PPP2R2B: variants seen among roughly 807,000 people sequenced by gnomAD.
PPP2R2B encodes the protein serine/threonine-protein phosphatase 2A 55 kDa regulatory subunit B beta isoform.
PPP2R2B carries 5 observed loss-of-function variants against 46.0 expected under a neutral mutation model. The ratio of observed to expected loss-of-function variants is 0.11; its 90% CI spans 0.06 to 0.23. PPP2R2B has a LOEUF of 0.23. Ranked by LOEUF, PPP2R2B falls within the 10% of genes least tolerant of loss-of-function variation. The pLI, the probability that PPP2R2B is intolerant of heterozygous loss-of-function variation, is 1.00. For missense variants in PPP2R2B, 367 were observed against 575.0 expected (o/e 0.64, Z 3.70); for synonymous variants, 215 against 206.7 (o/e 1.04, Z -0.34).
At chr5:146,725,611 A>T (rs1751819143) in intron 2 of PPP2R2B, among the ~76,000 whole-genome samples, 3 of 152,234 alleles carry the variant, frequency 2.0e-5, no homozygotes, top group Admixed American at 6.5e-5. Flanking sequence ...TCAGCACAGA[A>T]AATATATATC....
intron 1 of PPP2R2B, among the ~76,000 whole-genome samples, chr5:146,944,744 C>G (rs1764426239): frequency 1.3e-5 from 2 of 152,080 alleles, no homozygotes; most frequent in South Asian, 4.2e-4. Context: ...CCCTGCCCTT[C>G]CTCCACCCTT....
intron 2 of PPP2R2B, among the ~76,000 whole-genome samples, chr5:146,721,575 T>C (rs1045880272): frequency 6.6e-6 from 1 of 152,228 alleles, no homozygotes; most frequent in African/African-American, 2.4e-5. Flanking sequence ...TGGCACCAAA[T>C]AGACTGATCT....
rs928664457 is a variant in PPP2R2B, at chr5:146,964,436, A to G, written c.79+91229T>C. Among the ~76,000 whole-genome samples, 4 of 145,302 alleles carry G rather than the reference A, an allele frequency of 2.8e-5. No individual in the cohort carries two copies. The Admixed American group carries it at 2.9e-4, about 11-fold the overall frequency. On this transcript the variant is annotated intron_variant, in intron 1 of 8. Coordinates refer to the PPP2R2B transcript ENST00000336640. ...GGTGCTTCGCAGATTTTTTAACCTTAGGATATTTTTTTTATCTTGCAGGAC... is the reference window on the plus strand; with the variant it reads ...GGTGCTTCGCAGATTTTTTAACCTTGGGATATTTTTTTTATCTTGCAGGAC...
intron 2 of PPP2R2B, among the ~76,000 whole-genome samples, chr5:147,063,513 A>T (rs1041645743): frequency 6.6e-6 from 1 of 152,232 alleles, no homozygotes; most frequent in Non-Finnish European, 1.5e-5. Context: ...TGTTCCAATT[A>T]TTCAGTGTAT....
At chr5:146,744,868 A>G (rs1351522844) in intron 2 of PPP2R2B, among the ~76,000 whole-genome samples, 1 of 152,196 alleles carries the variant, frequency 6.6e-6, no homozygotes, top group African/African-American at 2.4e-5. Context: ...AGCCACCCAG[A>G]ACTTTCAAAT....
intron 2 of PPP2R2B, among the ~76,000 whole-genome samples, chr5:146,827,200 T>G (rs1246104458): frequency 6.6e-6 from 1 of 152,138 alleles, no homozygotes; most frequent in Non-Finnish European, 1.5e-5. Flanking sequence ...CCTAGCTGAA[T>G]TGCCAGGGAA....
intron 1 of PPP2R2B, among the ~76,000 whole-genome samples, chr5:146,947,609 A>T: frequency 6.6e-6 from 1 of 152,016 alleles, no homozygotes; most frequent in Non-Finnish European, 1.5e-5. Context: ...TATGGTTTAA[A>T]GCCTTATATA....
chr5:147,015,220 C>A (rs916180025), intron 1 of PPP2R2B, among the ~76,000 whole-genome samples: 1 of 149,148 alleles, frequency 6.7e-6, no homozygotes, highest in South Asian at 2.1e-4. Context: ...CCAGACCCTC[C>A]TTTCCCCAAT....
chr5:146,947,521 G>A (rs1469787079), intron 1 of PPP2R2B, among the ~76,000 whole-genome samples: 1 of 152,108 alleles, frequency 6.6e-6, no homozygotes, highest in African/African-American at 2.4e-5. Context: ...GCTTGGAGCT[G>A]CAGCCAGAGA....
chr5:147,053,730 A>G (rs1253474334), intron 1 of PPP2R2B, among the ~76,000 whole-genome samples: 1 of 152,212 alleles, frequency 6.6e-6, no homozygotes, highest in African/African-American at 2.4e-5. Context: ...CACGTGGGGC[A>G]TGGGACTCAA....
intron 2 of PPP2R2B, among the ~76,000 whole-genome samples, chr5:146,816,102 T>C (rs545942341): frequency 6.6e-6 from 1 of 152,292 alleles, no homozygotes; most frequent in South Asian, 2.1e-4. Context: ...CAAAGTGTAG[T>C]GGCACACACT....
intron 2 of PPP2R2B, among the ~76,000 whole-genome samples, chr5:147,066,662 G>C (rs1050752007): frequency 6.6e-6 from 1 of 152,126 alleles, no homozygotes; most frequent in Non-Finnish European, 1.5e-5. Context: ...ATAAGTGTCA[G>C]GCACCGTATT....
chr5:146,642,459 A>G (rs1775284402), intron 6 of PPP2R2B, among the ~76,000 whole-genome samples: 1 of 152,266 alleles, frequency 6.6e-6, no homozygotes, highest in Non-Finnish European at 1.5e-5. Context: ...GATATTAGAA[A>G]AAGATTGACA....
At chr5:146,801,401 T>TTA (rs1213795791) in intron 2 of PPP2R2B, among the ~76,000 whole-genome samples, 5 of 152,196 alleles carry the variant, frequency 3.3e-5, no homozygotes, top group Non-Finnish European at 7.3e-5. Context: ...GGCTAATATT[T>TTA]TATGACACAT....
At chr5:147,018,776 T>C (rs1755125283) in intron 1 of PPP2R2B, among the ~76,000 whole-genome samples, 1 of 152,128 alleles carries the variant, frequency 6.6e-6, no homozygotes, top group African/African-American at 2.4e-5. Flanking sequence ...CTACCAGCTT[T>C]TAAAACAAAT....
intron 1 of PPP2R2B, among the ~76,000 whole-genome samples, chr5:146,985,685 A>T (rs945606579): frequency 1.3e-5 from 2 of 152,146 alleles, no homozygotes; most frequent in African/African-American, 4.8e-5. Context: ...CACTCTCACC[A>T]CTTATTATTC....
At chr5:146,739,772 T>TA (rs1236378238) in intron 2 of PPP2R2B, among the ~76,000 whole-genome samples, 1 of 152,198 alleles carries the variant, frequency 6.6e-6, no homozygotes, top group Non-Finnish European at 1.5e-5. Flanking sequence ...CTGAGATCCT[T>TA]AAAACAAGGG....
chr5:146,789,518 C>G (rs938682804), intron 2 of PPP2R2B, among the ~76,000 whole-genome samples: 1 of 152,072 alleles, frequency 6.6e-6, no homozygotes, highest in Non-Finnish European at 1.5e-5. Flanking sequence ...ACATGAAAAT[C>G]ACTCAAAGGT....
intron 1 of PPP2R2B, among the ~76,000 whole-genome samples, chr5:147,038,027 C>T (rs968014941): frequency 6.6e-6 from 1 of 152,090 alleles, no homozygotes; most frequent in Non-Finnish European, 1.5e-5. Context: ...TCCTGGGTCA[C>T]GGAGAAGCTG....
Sources: allele counts gnomAD v4.1 joint callset (sites outside exome capture counted in the v4.1 genomes callset), GRCh38; gene constraint gnomAD v4.1.1; transcripts MANE v1.5; gene names NCBI Gene and HGNC (gene_info 2026-07-23, HGNC 2026-07-21).